BIRC6: variants seen among roughly 807,000 people sequenced by gnomAD.
The protein encoded by BIRC6 is baculoviral IAP repeat containing 6.
BIRC6 carries 98 observed loss-of-function variants against 503.3 expected under a neutral mutation model. That is an observed-to-expected ratio of 0.19 (90% CI 0.17 to 0.23). BIRC6 has a LOEUF of 0.23. BIRC6 is among the 10% of genes least tolerant of loss of function. The pLI is 1.00. For synonymous variants in BIRC6, 2,240 were observed against 2,078.7 expected, an observed-to-expected ratio of 1.08 and a Z score of -2.11; for missense variants, 5,360 against 5,806.0, an observed-to-expected ratio of 0.92 and a Z score of 2.50.
intron 51 of BIRC6, 84 bp from the exon 52 acceptor site, chr2:32,509,654 A>G (rs1322883785): frequency 6.1e-6 from 9 of 1,482,082 alleles, no homozygotes; most frequent in Admixed American, 1.9e-5. Flanking sequence ...GAAACACAAC[A>G]TGCTGATCTT....
In BIRC6 at chr2:32,429,267, A is replaced by G. The variant is rs1292942504; in HGVS notation, c.2994A>G (p.Leu998=). Residue 998 remains leucine, a synonymous_variant, in exon 11 of 74, where the codon TTA becomes TTG. Transcript: ENST00000421745. ...CATCTTCAGAAGGTTCCAAACCTTT[A>G]TCAAATCCTTCAAGTCCTGGCATTT... ...IEPSSEGSKP[L]SNPSSPGISG... is the part of the protein sequence containing the mutation. The G allele has an allele frequency of 2.4e-5, 36 of 1,529,598 alleles. No homozygotes were observed. Among genetic ancestry groups the G allele is most frequent in the Non-Finnish European group, 3.2e-5 (36 of 1,140,378 alleles). 94.8% of individuals were successfully genotyped at this position (1,529,598 alleles called of 1,614,324 possible).
At chr2:32,420,168 T>C (rs904350768) in intron 10 of BIRC6, among the ~76,000 whole-genome samples, 3 of 152,236 alleles carry the variant, frequency 2.0e-5, no homozygotes, top group Non-Finnish European at 2.9e-5. Context: ...CTTTCTTTTT[T>C]AGTTTTTGCT....
Position 32,499,505 on chromosome 2 carries a change from C to T in BIRC6, c.8469-42C>T, listed in dbSNP as rs780006441. ...TAATCCTTTCTCTTGTTGTATCTCTCTCTCTCTCTCTTTTTCTGTCTCTCT... is the reference window on the plus strand; with the variant it reads ...TAATCCTTTCTCTTGTTGTATCTCTTTCTCTCTCTCTTTTTCTGTCTCTCT... On this transcript the variant is annotated intron_variant, in intron 45 of 73. Transcript: ENST00000421745. 3.4e-6 allele frequency: 5 copies of T among 1,455,116 alleles called. No individual in the cohort carries two copies. In the African/African-American group the frequency reaches 5.7e-5, roughly 17 times the overall value. The allele number at this position is 1,455,116 out of a possible 1,614,324, so 90.1% of individuals were successfully genotyped here.
chr2:32,422,006 ACTGTTTCATAATTGTTACATCGTT>A, intron 10 of BIRC6, among the ~76,000 whole-genome samples: 1 of 152,192 alleles, frequency 6.6e-6, no homozygotes, highest in East Asian at 1.9e-4. Context: ...CTTTTGTTAG[ACTGTTTCATAATTGTTACATCGTT>A]CTGATGTATT....
chr2:32,594,532 G>A (rs2061563671), intron 67 of BIRC6, among the ~76,000 whole-genome samples: 1 of 152,074 alleles, frequency 6.6e-6, no homozygotes, highest in African/African-American at 2.4e-5. Context: ...CCGTCTCTAC[G>A]AAATACAGGA....
chr2:32,386,219 A>T (rs1403936717), intron 3 of BIRC6, among the ~76,000 whole-genome samples: 1 of 152,186 alleles, frequency 6.6e-6, no homozygotes, highest in African/African-American at 2.4e-5. Context: ...ATAGTCCTTA[A>T]AAGTAAAGAT....
intron 13 of BIRC6, 93 bp downstream of exon 13, chr2:32,433,897 T>C (rs981805688): frequency 6.5e-6 from 7 of 1,073,414 alleles, no homozygotes; most frequent in Non-Finnish European, 9.0e-6. Context: ...CGTGTCCCTT[T>C]CTGTCCCTTG....
intron 12 of BIRC6, among the ~76,000 whole-genome samples, chr2:32,431,599 G>T (rs1013321355): frequency 1.1e-4 from 17 of 152,072 alleles, no homozygotes; most frequent in African/African-American, 4.1e-4. Context: ...TGATGACTTT[G>T]TTCCTTCTAT....
chr2:32,376,368 C>T (rs1489854373), intron 1 of BIRC6, among the ~76,000 whole-genome samples: 2 of 152,026 alleles, frequency 1.3e-5, no homozygotes, highest in African/African-American at 4.8e-5. Flanking sequence ...ATAATATGTA[C>T]TACAGCTAAT....
intron 63 of BIRC6, among the ~76,000 whole-genome samples, chr2:32,546,194 T>G (rs1266096908): frequency 6.6e-6 from 1 of 152,120 alleles, no homozygotes; most frequent in East Asian, 1.9e-4. Context: ...GGGTTGTGGG[T>G]GGGGATCTAG....
At chr2:32,539,626 C>T (rs1330234590) in intron 61 of BIRC6, among the ~76,000 whole-genome samples, 3 of 151,996 alleles carry the variant, frequency 2.0e-5, no homozygotes, top group South Asian at 2.1e-4. Flanking sequence ...TATTTCAAAA[C>T]GATAATGCCA....
intron 65 of BIRC6, chr2:32,563,619 A>G (rs1442982945): frequency 6.6e-6 from 1 of 152,256 alleles, no homozygotes; most frequent in African/African-American, 2.4e-5. Flanking sequence ...ATGAATAAGT[A>G]CTTAAGAGAA....
At chr2:32,483,604 C>A (rs2149228720) in intron 39 of BIRC6, among the ~76,000 whole-genome samples, 1 of 152,312 alleles carries the variant, frequency 6.6e-6, no homozygotes, top group South Asian at 2.1e-4. Context: ...GAAAATAATG[C>A]ATTGCATTTA....
intron 22 of BIRC6, among the ~76,000 whole-genome samples, chr2:32,451,864 G>A (rs1167401309): frequency 1.3e-5 from 2 of 152,174 alleles, no homozygotes; most frequent in African/African-American, 4.8e-5. Flanking sequence ...ATATTAGAGA[G>A]TGTAATTTTC....
chr2:32,457,978 GTGT>G (rs976353912), intron 23 of BIRC6, among the ~76,000 whole-genome samples: 52 of 152,056 alleles, frequency 3.4e-4, no homozygotes, highest in Middle Eastern at 3.4e-3. Context: ...TATGAAACCA[GTGT>G]TGTTGTAAAC....
rs2054882494 is a variant in BIRC6 at position 32,515,053 on chromosome 2, T to C, written c.10632T>C (p.Ser3544=). ...CNMVLKKAVD[S]LLCSMCHVHP... is the part of the protein sequence containing the mutation. ...TGGTTTTGAAGAAAGCTGTTGACAGTCTACTTTGCTCAATGTGTCACGTAC... is the reference window on the plus strand; with the variant it reads ...TGGTTTTGAAGAAAGCTGTTGACAGCCTACTTTGCTCAATGTGTCACGTAC... Residue 3544 remains serine, a synonymous_variant, in exon 55 of 74, where the codon AGT becomes AGC. Transcript: ENST00000421745. 1 of 1,614,002 alleles carries C rather than the reference T, an allele frequency of 6.2e-7. No homozygotes were observed. Among genetic ancestry groups the C allele is most frequent in the African/African-American group, 1.3e-5 (1 of 75,054 alleles).
intron 1 of BIRC6, among the ~76,000 whole-genome samples, chr2:32,369,400 T>C (rs757856068): frequency 2.0e-5 from 3 of 151,992 alleles, no homozygotes; most frequent in Non-Finnish European, 4.4e-5. Context: ...CTTCTCACAT[T>C]GGCACCTTTG....
rs752499477 is a variant in BIRC6 at position 32,505,064 on chromosome 2, C to T, written c.9559C>T (p.Pro3187Ser). ...AGCTGAAGTGCTATTGCAGGCCACA[C>T]CTCCTCACAGAAGAGCTCGCTCTGC... ...QPAEVLLQAT[P>S]PHRRARSAAW... Residue 3187 changes from proline (P) to serine (S), a missense_variant, in exon 50 of 74, where the codon CCT (proline) becomes TCT (serine). Pro to Ser is a moderately conservative substitution (Grantham distance 74). Around this residue, in one of 16 missense-constraint regions of BIRC6, gnomAD observed 267 missense variants for 287.6 expected, o/e 0.93. Transcript: ENST00000421745. The T allele has an allele frequency of 3.1e-6, 5 of 1,613,658 alleles. No homozygotes were observed. The highest frequency in any genetic ancestry group is 4.2e-6 in the Non-Finnish European group (5 of 1,179,802).
chr2:32,421,281 A>G (rs927697293), intron 10 of BIRC6, among the ~76,000 whole-genome samples: 3 of 151,218 alleles, frequency 2.0e-5, no homozygotes, highest in Non-Finnish European at 2.9e-5. Context: ...TAATTTTTGT[A>G]TTTTTAGAAG....
Sources: allele counts gnomAD v4.1 joint callset (sites outside exome capture counted in the v4.1 genomes callset), GRCh38; gene constraint gnomAD v4.1.1; regional missense constraint gnomAD v4.1.1; transcripts MANE v1.5; gene names NCBI Gene and HGNC (gene_info 2026-07-23, HGNC 2026-07-21).